The following RBFOX1 variants were observed in gnomAD, a reference collection of about 807,000 sequenced individuals.
RBFOX1 encodes RNA binding protein fox-1 homolog 1.
Under a neutral mutation model 57.7 loss-of-function variants are expected in RBFOX1, and 8 were observed. The observed-to-expected ratio is 0.14, with a 90% confidence interval of 0.08 to 0.25. The LOEUF (loss-of-function observed/expected upper bound fraction) is 0.25. Among genes scored for constraint, RBFOX1 ranks in the 10% least tolerant of loss-of-function variants. The pLI is 1.00. For synonymous variants in RBFOX1, 326 were observed against 222.4 expected (o/e 1.47, Z -4.15); for missense variants, 611 against 548.5 (o/e 1.11, Z -1.14).
chr16:6,708,486 T>C (rs536985898), intron 3 of RBFOX1, among the ~76,000 whole-genome samples: 1 of 152,328 alleles, frequency 6.6e-6, no homozygotes, highest in Admixed American at 6.5e-5. Context: ...TGAGGGTCCT[T>C]TAAGATATTT....
At chr16:6,596,667 G>A (rs2097779540) in intron 2 of RBFOX1, among the ~76,000 whole-genome samples, 1 of 145,948 alleles carries the variant, frequency 6.9e-6, no homozygotes, top group Non-Finnish European at 1.5e-5. Context: ...GTATATATGT[G>A]ACTTAGATAA....
At chr16:6,612,878 T>TAATAAA (rs1294984927) in intron 2 of RBFOX1, among the ~76,000 whole-genome samples, 1 of 148,324 alleles carries the variant, frequency 6.7e-6, no homozygotes, top group South Asian at 2.1e-4. Context: ...ATAATAATAA[T>TAATAAA]ATTTGTTTGT....
At chr16:6,346,812 C>G (rs972928774) in intron 2 of RBFOX1, among the ~76,000 whole-genome samples, 1 of 152,044 alleles carries the variant, frequency 6.6e-6, no homozygotes, top group South Asian at 2.1e-4. Context: ...TCATGTCAAA[C>G]GCTGGATCTC....
intron 1 of RBFOX1, among the ~76,000 whole-genome samples, chr16:6,175,777 C>A (rs2097001746): frequency 6.6e-6 from 1 of 152,108 alleles, no homozygotes; most frequent in Admixed American, 6.5e-5. Flanking sequence ...CTTTGAGTAG[C>A]CAGACTTTCG....
At chr16:6,063,464 G>GACACACACAC (rs772720519) in intron 1 of RBFOX1, among the ~76,000 whole-genome samples, 14 of 86,494 alleles carry the variant, frequency 1.6e-4, no homozygotes, top group African/African-American at 9.3e-4. Flanking sequence ...CTCTTTCTCC[G>GACACACACAC]ACACACACAC....
chr16:5,979,637 A>C (rs2060133331), intron 4 of RBFOX1, among the ~76,000 whole-genome samples: 1 of 152,162 alleles, frequency 6.6e-6, no homozygotes, highest in African/African-American at 2.4e-5. Flanking sequence ...TACGACGCAG[A>C]TGGATCACGA....
At chr16:5,415,143 A>T (rs764153017) in intron 1 of RBFOX1, among the ~76,000 whole-genome samples, 11 of 152,146 alleles carry the variant, frequency 7.2e-5, no homozygotes, top group Admixed American at 1.3e-4. Context: ...TAAAGATACT[A>T]CCTGAGAATG....
intron 4 of RBFOX1, among the ~76,000 whole-genome samples, chr16:5,997,730 GC>G (rs2060515425): frequency 6.6e-6 from 1 of 152,184 alleles, no homozygotes; most frequent in Non-Finnish European, 1.5e-5. Context: ...AGCAAAATAA[GC>G]CTCATTCCCG....
At chr16:5,530,245 A>C (rs891660565) in intron 2 of RBFOX1, among the ~76,000 whole-genome samples, 8 of 152,190 alleles carry the variant, frequency 5.3e-5, no homozygotes, top group African/African-American at 1.9e-4. Flanking sequence ...GATAATGGTG[A>C]GGACGGCTGC....
At chr16:7,030,544 C>G (rs2042526986) in intron 3 of RBFOX1, among the ~76,000 whole-genome samples, 1 of 152,168 alleles carries the variant, frequency 6.6e-6, no homozygotes, top group South Asian at 2.1e-4. Flanking sequence ...ACTCTAGTCT[C>G]TGCCTCTGTC....
chr16:5,795,293 A>T (rs564536775), intron 3 of RBFOX1, among the ~76,000 whole-genome samples: 3 of 148,858 alleles, frequency 2.0e-5, no homozygotes, highest in African/African-American at 4.9e-5. Flanking sequence ...ATTGTCTTCC[A>T]CTTCTTCCTT....
intron 2 of RBFOX1, among the ~76,000 whole-genome samples, chr16:6,339,642 C>A (rs1203117233): frequency 6.8e-6 from 1 of 146,232 alleles, no homozygotes; most frequent in Admixed American, 6.9e-5. Flanking sequence ...TTAAGCGATT[C>A]CTTTATTTTT....
intron 2 of RBFOX1, among the ~76,000 whole-genome samples, chr16:6,649,465 C>T (rs891564731): frequency 1.3e-5 from 2 of 152,164 alleles, no homozygotes; most frequent in Non-Finnish European, 2.9e-5. Flanking sequence ...GCACCCATCA[C>T]CCAAGCAGTG....
At chr16:6,817,631 A>T (rs926213984) in intron 3 of RBFOX1, among the ~76,000 whole-genome samples, 1 of 151,760 alleles carries the variant, frequency 6.6e-6, no homozygotes, top group African/African-American at 2.4e-5. Context: ...ACTTGAACCC[A>T]GGAGGAGGTT....
At position 6,780,109 on chromosome 16, in the gene RBFOX1, TTATATATATTTATATATATA is replaced by T. The variant is rs2080441918; in HGVS notation, c.-16+125461_-16+125480del. Among the ~76,000 whole-genome samples the T allele has an allele frequency of 2.9e-4, 10 of 34,640 alleles. 2 individuals carry two copies. Among genetic ancestry groups the T allele is most frequent in the African/African-American group, 1.0e-3 (6 of 5,798 alleles). 22.7% of individuals were successfully genotyped at this position (34,640 alleles called of 152,430 possible). A position where few individuals can be genotyped will look rare whatever the true frequency, so the allele number is the denominator to read the frequency against. ...TATATATTTATATATTTTTATATATTTATATATATTTATATATATATTTATATATTTATATATATTTATAT... is the reference window on the plus strand; with the variant it reads ...TATATATTTATATATTTTTATATATTTTTATATATTTATATATATTTATAT... On this transcript the variant is annotated intron_variant, in intron 3 of 15. Transcript: ENST00000550418.
rs151272388 is a variant in RBFOX1 at position 6,282,355 on chromosome 16, GTTTTTT to G, written c.-126-34623_-126-34618del. ...CCTTCTCATTCCTTGTACCTTGTCT[GTTTTTT>G]TTTTTTTTTTTTTTTTAATTTTACT... On this transcript the variant is annotated intron_variant, in intron 1 of 15. Coordinates refer to ENST00000550418, the MANE Select transcript of RBFOX1 (RefSeq NM_018723.4). Among the ~76,000 whole-genome samples, 254 of 125,250 alleles carry G rather than the reference GTTTTTT, an allele frequency of 2.0e-3. 2 individuals carry two copies. Among genetic ancestry groups the G allele is most frequent in the African/African-American group, 6.0e-3 (207 of 34,702 alleles). The allele number at this position is 125,250 out of a possible 152,430, so 82.2% of individuals were successfully genotyped here.
At chr16:7,244,820 G>C (rs1304892789) in intron 4 of RBFOX1, among the ~76,000 whole-genome samples, 1 of 152,186 alleles carries the variant, frequency 6.6e-6, no homozygotes, top group Non-Finnish European at 1.5e-5. Context: ...TCTTGGTTTT[G>C]TTTCCTTGTT....
chr16:7,670,465 C>T (rs375049116), intron 13 of RBFOX1, among the ~76,000 whole-genome samples: 7 of 152,162 alleles, frequency 4.6e-5, no homozygotes, highest in South Asian at 4.2e-4. Context: ...CAAGTCATTG[C>T]GCTAGTTGAG....
intron 4 of RBFOX1, among the ~76,000 whole-genome samples, chr16:7,372,097 T>C (rs968339694): frequency 1.4e-4 from 21 of 152,192 alleles, no homozygotes; most frequent in Non-Finnish European, 2.9e-4. Context: ...AGCAGTGTGA[T>C]TGTTGGGTCC....
Sources: gnomAD v4.1 joint callset for allele counts (sites outside exome capture counted in the v4.1 genomes callset) on GRCh38, gnomAD v4.1.1 for gene constraint, MANE v1.5 for transcripts, NCBI Gene and HGNC (gene_info 2026-07-23, HGNC 2026-07-21) for gene names.